KCNT2: variants seen among roughly 807,000 people sequenced by gnomAD.
The protein encoded by KCNT2 is potassium channel subfamily T member 2.
In KCNT2, 67 loss-of-function variants were observed where a neutral mutation model predicts 153.8. That is an observed-to-expected ratio of 0.44 (90% CI 0.36 to 0.53). The LOEUF (loss-of-function observed/expected upper bound fraction) is 0.53, where lower values mean the gene tolerates loss of function less well. Among genes scored for constraint, KCNT2 ranks in the 20% least tolerant of loss-of-function variants. The pLI is 0.00. For synonymous variants in KCNT2, 500 were observed against 458.8 expected, an observed-to-expected ratio of 1.09 and a Z score of -1.15; for missense variants, 975 against 1,354.8, an observed-to-expected ratio of 0.72 and a Z score of 4.40.
At chr1:196,537,015 C>G (rs74661757) in intron 1 of KCNT2, among the ~76,000 whole-genome samples, 8,333 of 152,228 alleles carry the variant, frequency 0.055, 759 homozygotes, top group African/African-American at 0.19. Context: ...CCCAGGTGCT[C>G]CATGCACTGC....
intron 1 of KCNT2, among the ~76,000 whole-genome samples, chr1:196,599,764 TA>T (rs1463439477): frequency 1.3e-5 from 2 of 152,216 alleles, no homozygotes; most frequent in African/African-American, 4.8e-5. Context: ...AAGACTAAGA[TA>T]AATACGTTCA....
intron 27 of KCNT2, among the ~76,000 whole-genome samples, chr1:196,233,057 A>C (rs1467411423): frequency 6.6e-6 from 1 of 151,422 alleles, no homozygotes; most frequent in Non-Finnish European, 1.5e-5. Flanking sequence ...ATAAATGTGG[A>C]TGCCATGAAA....
intron 26 of KCNT2, among the ~76,000 whole-genome samples, chr1:196,256,622 G>T: frequency 6.6e-6 from 1 of 150,634 alleles, no homozygotes; most frequent in African/African-American, 2.4e-5. Context: ...TTTTTCTTTA[G>T]ACAATATAAA....
chr1:196,599,454 A>G (rs1664465664), intron 1 of KCNT2, among the ~76,000 whole-genome samples: 1 of 152,220 alleles, frequency 6.6e-6, no homozygotes, highest in African/African-American at 2.4e-5. Context: ...CTGGCTTTAT[A>G]TGCAAAGTCC....
At chr1:196,301,608 G>A (rs557560750) in intron 22 of KCNT2, among the ~76,000 whole-genome samples, 10 of 152,194 alleles carry the variant, frequency 6.6e-5, no homozygotes, top group Non-Finnish European at 1.3e-4. Flanking sequence ...TAAAGTAATT[G>A]GGAATAATAC....
At chr1:196,270,491 C>T (rs1338249304) in intron 25 of KCNT2, among the ~76,000 whole-genome samples, 3 of 152,102 alleles carry the variant, frequency 2.0e-5, no homozygotes, top group Non-Finnish European at 4.4e-5. Context: ...TATTGCTAGA[C>T]AGCTGAATCA....
chr1:196,605,579 C>T (rs1665226978), intron 1 of KCNT2, among the ~76,000 whole-genome samples: 1 of 152,098 alleles, frequency 6.6e-6, no homozygotes, highest in African/African-American at 2.4e-5. Context: ...ATGGGCAGAG[C>T]ACTAAATGTA....
At chr1:196,326,922 T>C (rs1663917346) in intron 18 of KCNT2, 33 bp from the exon 19 acceptor site, 2 of 1,229,084 alleles carry the variant, frequency 1.6e-6, no homozygotes, top group African/African-American at 3.2e-5. Flanking sequence ...TGAAATGCCA[T>C]TTGGATACTT....
intron 22 of KCNT2, among the ~76,000 whole-genome samples, chr1:196,303,444 G>A (rs1661367515): frequency 6.6e-6 from 1 of 152,102 alleles, no homozygotes; most frequent in African/African-American, 2.4e-5. Context: ...ACACAAGCAT[G>A]TCAATACAAA....
chr1:196,252,522 C>T (rs192410401), intron 26 of KCNT2, among the ~76,000 whole-genome samples: 7 of 151,772 alleles, frequency 4.6e-5, no homozygotes, highest in African/African-American at 9.6e-5. Context: ...CTACATTATA[C>T]GTCAGTTTTT....
chr1:196,319,219 G>A lies in KCNT2; in HGVS notation c.2348+265C>T, dbSNP rs111964312. Reference sequence around the variant, plus strand: ...CAATAGTAATAATGTTGTTATAGATGACACAAAACTAAAACAGCATTAGAA... The same window carrying A: ...CAATAGTAATAATGTTGTTATAGATAACACAAAACTAAAACAGCATTAGAA... On this transcript the variant is annotated intron_variant, in intron 20 of 27. Transcript: ENST00000294725. Among the ~76,000 whole-genome samples, 930 of 151,772 alleles carry A rather than the reference G, an allele frequency of 6.1e-3. 11 individuals are homozygous for A. The highest frequency in any genetic ancestry group is 0.021 in the African/African-American group (878 of 41,484).
rs778434061 is a variant in KCNT2 at position 196,333,893 on chromosome 1, A to T, written c.1951T>A (p.Ser651Thr). 3.1e-6 allele frequency: 5 copies of T among 1,612,766 alleles called. No individual in the cohort carries two copies. The highest frequency in any genetic ancestry group is 4.2e-6 in the Non-Finnish European group (5 of 1,179,192). ...TCATCTGGTGTAGTTTCATCTTCTG[A>T]TTGGTCACTTAGAAGATCACATGTT... Reference protein sequence around the residue: ...IQTCDLLSDQSEDETTPDEEM... With the variant: ...IQTCDLLSDQTEDETTPDEEM... The change falls in exon 17 of 28, where the codon TCA (serine) becomes ACA (threonine). Residue 651 changes from serine (S) to threonine (T), a missense_variant. Around this residue, in one of 6 missense-constraint regions of KCNT2, gnomAD observed 325 missense variants for 388.1 expected, o/e 0.84. Coordinates refer to ENST00000294725, the MANE Select transcript of KCNT2 (RefSeq NM_198503.5).
At chr1:196,277,545 T>C (rs970294517) in intron 25 of KCNT2, among the ~76,000 whole-genome samples, 4 of 152,182 alleles carry the variant, frequency 2.6e-5, no homozygotes, top group Admixed American at 6.5e-5. Flanking sequence ...TGTGTTTATA[T>C]GGAGAGACTG....
chr1:196,606,500 C>T (rs1458965915), intron 1 of KCNT2, among the ~76,000 whole-genome samples: 1 of 152,144 alleles, frequency 6.6e-6, no homozygotes, highest in Admixed American at 6.5e-5. Flanking sequence ...TTTAATAGAA[C>T]ATAAAATTTT....
At chr1:196,401,743 A>G (rs1402712137) in intron 12 of KCNT2, among the ~76,000 whole-genome samples, 3 of 151,696 alleles carry the variant, frequency 2.0e-5, no homozygotes, top group Admixed American at 1.3e-4. Flanking sequence ...CAAAAAGAAA[A>G]CAAATGAGAA....
intron 8 of KCNT2, among the ~76,000 whole-genome samples, chr1:196,430,792 CA>C (rs776611366): frequency 1.3e-5 from 2 of 151,208 alleles, no homozygotes; most frequent in South Asian, 4.2e-4. Context: ...TTAACAACAA[CA>C]AAAAAAAGCA....
rs773072393 is a variant in KCNT2, at chr1:196,416,496, TA to T, written c.1185+6553del. Among the ~76,000 whole-genome samples, 68 of 152,028 alleles carry T rather than the reference TA, an allele frequency of 4.5e-4. 1 individual carries two copies. The highest frequency in any genetic ancestry group is 1.5e-4 in the Non-Finnish European group (10 of 67,968). Reference sequence around the variant, plus strand: ...GATGTTGGAAAGTATTCCCCGTGGATAAGGGGGATACTACTGTACCTATTGA... The same window carrying T: ...GATGTTGGAAAGTATTCCCCGTGGATAGGGGGATACTACTGTACCTATTGA... On this transcript the variant is annotated intron_variant, in intron 12 of 27. Transcript: ENST00000294725.
intron 22 of KCNT2, among the ~76,000 whole-genome samples, chr1:196,292,603 G>A (rs931528396): frequency 6.6e-5 from 10 of 152,088 alleles, no homozygotes; most frequent in African/African-American, 2.4e-4. Context: ...TCAGGAGATC[G>A]AGACCATCCT....
chr1:196,267,406 C>T (rs1052103902), intron 25 of KCNT2, among the ~76,000 whole-genome samples: 4 of 152,148 alleles, frequency 2.6e-5, no homozygotes, highest in South Asian at 2.1e-4. Context: ...ACAAAACTAA[C>T]ATTTTTAGGC....
Sources: allele counts gnomAD v4.1 joint callset (sites outside exome capture counted in the v4.1 genomes callset), GRCh38; gene constraint gnomAD v4.1.1; regional missense constraint gnomAD v4.1.1; transcripts MANE v1.5; gene names NCBI Gene and HGNC (gene_info 2026-07-23, HGNC 2026-07-21).